Variants in FAM114A2 observed in about 807,000 individuals in gnomAD.
FAM114A2 encodes family with sequence similarity 114 member A2.
FAM114A2 carries 53 observed loss-of-function variants against 58.4 expected under a neutral mutation model. That is an observed-to-expected ratio of 0.91 (90% confidence interval 0.73 to 1.14). FAM114A2 has a LOEUF of 1.14. FAM114A2 is among the 50% of genes most tolerant of loss of function. FAM114A2 has a pLI of 0.00. For missense variants in FAM114A2, 601 were observed against 581.1 expected, an observed-to-expected ratio of 1.03 and a Z score of -0.35; for synonymous variants, 228 against 211.4, an observed-to-expected ratio of 1.08 and a Z score of -0.68.
chr5:154,031,283 G>A (rs571826003), intron 4 of FAM114A2, among the ~76,000 whole-genome samples: 1 of 121,128 alleles, frequency 8.3e-6, no homozygotes, highest in Non-Finnish European at 1.6e-5. Flanking sequence ...CTGTACTTCA[G>A]CCTGGGCGAC....
At chr5:154,007,471 C>T (rs766254634) in intron 9 of FAM114A2, among the ~76,000 whole-genome samples, 1 of 152,164 alleles carries the variant, frequency 6.6e-6, no homozygotes, top group Non-Finnish European at 1.5e-5. Context: ...CACAGCCTGC[C>T]ATATAAATCT....
At chr5:154,000,230 A>G (rs1769888475) in intron 11 of FAM114A2, among the ~76,000 whole-genome samples, 1 of 152,196 alleles carries the variant, frequency 6.6e-6, no homozygotes, top group Non-Finnish European at 1.5e-5. Flanking sequence ...GATGAAGAGA[A>G]GTTGGTTAAT....
At chr5:154,017,952 C>T (rs902875125) in intron 8 of FAM114A2, among the ~76,000 whole-genome samples, 1 of 152,144 alleles carries the variant, frequency 6.6e-6, no homozygotes, top group Non-Finnish European at 1.5e-5. Context: ...GAAACACCTA[C>T]ATCAAAAAGT....
rs1384695083 is a variant in FAM114A2 at position 154,011,411 on chromosome 5, T to C, written c.914-91A>G. The C allele has an allele frequency of 6.4e-6, 5 of 778,048 alleles. No homozygotes were observed. The East Asian group carries it at 7.5e-5, about 12-fold the overall frequency. The allele number at this position is 778,048 out of a possible 1,614,324, so 48.2% of individuals were successfully genotyped here. On this transcript the variant is annotated intron_variant, in intron 8 of 13. Transcript: ENST00000351797. ...AGGAGGAAGAGGAGAGGAGTGGTAA[T>C]AGCAGTGACAGTAGTAGTAATAACA...
chr5:154,022,757 A>G (rs1771506513), intron 8 of FAM114A2, among the ~76,000 whole-genome samples: 2 of 152,192 alleles, frequency 1.3e-5, no homozygotes, highest in African/African-American at 4.8e-5. Flanking sequence ...AACTAGAAAT[A>G]CCATTTGACC....
intron 4 of FAM114A2, among the ~76,000 whole-genome samples, chr5:154,030,532 A>G (rs1007094799): frequency 1.8e-4 from 28 of 152,348 alleles, no homozygotes; most frequent in African/African-American, 6.0e-4. Context: ...TAAACCTTAC[A>G]ATTGGCTTGG....
At chr5:154,020,413 AAAG>A (rs1437815777) in intron 8 of FAM114A2, among the ~76,000 whole-genome samples, 2 of 152,202 alleles carry the variant, frequency 1.3e-5, no homozygotes, top group Admixed American at 6.5e-5. Context: ...CGAGACTAAC[AAAG>A]AAGAGAGAAG....
chr5:154,017,914 T>C (rs1771147399), intron 8 of FAM114A2, among the ~76,000 whole-genome samples: 1 of 152,056 alleles, frequency 6.6e-6, no homozygotes, highest in Non-Finnish European at 1.5e-5. Flanking sequence ...ACCTCTGGGA[T>C]ACTGCTAGGA....
chr5:153,990,988 C>A lies in FAM114A2; in HGVS notation c.*1988G>T, dbSNP rs745599156. 4.6e-5 allele frequency: 7 copies of A among 151,800 alleles called. No homozygotes were observed. The highest frequency in any genetic ancestry group is 1.0e-4 in the Non-Finnish European group (7 of 67,974). The allele number at this position is 151,800 out of a possible 1,614,324, so 9.4% of individuals were successfully genotyped here. ...TCTACTGGATCAAGGAATCTTAATT[C>A]TTTTTCAGTATATTTTATGTGAAGA... On this transcript the variant is annotated 3_prime_UTR_variant, in exon 14 of 14. Coordinates refer to ENST00000351797, the MANE Select transcript of FAM114A2 (RefSeq NM_018691.4).
chr5:154,029,030 C>A (rs1303874668), intron 5 of FAM114A2, among the ~76,000 whole-genome samples: 1 of 152,192 alleles, frequency 6.6e-6, no homozygotes, highest in African/African-American at 2.4e-5. Context: ...AACTAGCTAT[C>A]TATCCTCATG....
Position 154,034,287 on chromosome 5 carries a change from C to A in FAM114A2, c.301G>T (p.Ala101Ser). The A allele has an allele frequency of 6.3e-7, 1 of 1,579,198 alleles. No homozygotes were observed. The highest frequency in any genetic ancestry group is 8.6e-7 in the Non-Finnish European group (1 of 1,160,908). The change falls in exon 3 of 14, where the codon GCT (alanine) becomes TCT (serine). Residue 101 changes from alanine (A) to serine (S), a missense_variant. Ala to Ser is a moderately conservative substitution (Grantham distance 99). Transcript: ENST00000351797. ...TGACTGATGATCTTACCTACTGTAG[C>A]TACTGTAGCCGAGGCTGAGGAGAGT... The part of the protein sequence containing the change: ...SILSSASATV[A>S]TVGQGISNVI...
chr5:153,993,115 C>A lies in FAM114A2; in HGVS notation c.1384-5G>T. On this transcript the variant is annotated splice_region_variant and splice_polypyrimidine_tract_variant and intron_variant, in intron 13 of 13. Transcript: ENST00000351797. ...GTAGGAGGCACTGTTTGATGCCTGCCAGGATTGAAAAAACAAGAAAAAGAA... is the reference window on the plus strand; with the variant it reads ...GTAGGAGGCACTGTTTGATGCCTGCAAGGATTGAAAAAACAAGAAAAAGAA... The A allele has an allele frequency of 6.3e-7, 1 of 1,596,308 alleles. No homozygotes were observed. The highest frequency in any genetic ancestry group is 8.5e-7 in the Non-Finnish European group (1 of 1,172,106).
intron 9 of FAM114A2, among the ~76,000 whole-genome samples, chr5:154,005,218 A>G (rs1320553165): frequency 6.6e-6 from 1 of 152,172 alleles, no homozygotes; most frequent in Non-Finnish European, 1.5e-5. Context: ...ACCAGCACCC[A>G]TATCTCCTTT....
At chr5:154,020,080 C>T (rs570998042) in intron 8 of FAM114A2, among the ~76,000 whole-genome samples, 46 of 152,220 alleles carry the variant, frequency 3.0e-4, no homozygotes, top group African/African-American at 1.1e-3. Context: ...CAGAAATAAA[C>T]ATGTTCTTTG....
intron 11 of FAM114A2, among the ~76,000 whole-genome samples, chr5:154,001,498 T>C (rs770929610): frequency 1.2e-4 from 19 of 152,180 alleles, no homozygotes; most frequent in South Asian, 2.1e-4. Context: ...CCCCCTATTA[T>C]GGGGTGCTGT....
At position 154,023,863 on chromosome 5, in the gene FAM114A2, C is replaced by T. The variant is rs540551935; in HGVS notation, c.913+2536G>A. Among the ~76,000 whole-genome samples, 714 of 152,074 alleles carry T rather than the reference C, an allele frequency of 4.7e-3. 3 individuals are homozygous for T. The highest frequency in any genetic ancestry group is 8.1e-3 in the Admixed American group (123 of 15,272). Reference sequence around the variant, plus strand: ...TAAATGATATACATGTATATTTCTTCTCCTTAACTGATTTAAAAAGAAAAA... The same window carrying T: ...TAAATGATATACATGTATATTTCTTTTCCTTAACTGATTTAAAAAGAAAAA... On this transcript the variant is annotated intron_variant, in intron 8 of 13. Coordinates refer to ENST00000351797, the MANE Select transcript of FAM114A2 (RefSeq NM_018691.4).
At chr5:154,030,812 G>T (rs1772141766) in intron 4 of FAM114A2, among the ~76,000 whole-genome samples, 2 of 152,208 alleles carry the variant, frequency 1.3e-5, no homozygotes, top group Non-Finnish European at 2.9e-5. Context: ...TCTGTACAAA[G>T]AACTACCATG....
chr5:154,026,546 G>GC (rs1427343547), intron 7 of FAM114A2, 24 bp from the exon 8 acceptor site: 2 of 1,422,508 alleles, frequency 1.4e-6, no homozygotes, highest in African/African-American at 3.0e-5. Context: ...AGAACAAAAT[G>GC]TTGTAGGAGT....
At chr5:154,000,680 G>C (rs894658579) in intron 11 of FAM114A2, among the ~76,000 whole-genome samples, 1 of 152,044 alleles carries the variant, frequency 6.6e-6, no homozygotes, top group African/African-American at 2.4e-5. Flanking sequence ...GGTATAAGAA[G>C]ACCCATCTGA....
Sources: allele counts gnomAD v4.1 joint callset (sites outside exome capture counted in the v4.1 genomes callset), GRCh38; gene constraint gnomAD v4.1.1; transcripts MANE v1.5; gene names NCBI Gene and HGNC (gene_info 2026-07-23, HGNC 2026-07-21).